COL19A1: variants seen among roughly 807,000 people sequenced by gnomAD.
The protein encoded by COL19A1 is collagen type XIX alpha 1 chain.
A neutral mutation model predicts 190.2 loss-of-function variants in COL19A1; 159 were observed. That is an observed-to-expected ratio of 0.84 (90% confidence interval 0.73 to 0.95). The LOEUF is 0.95. COL19A1 is among the 40% of genes least tolerant of loss of function. The pLI, the probability that COL19A1 is intolerant of heterozygous loss-of-function variation, is 0.00. For synonymous variants in COL19A1, 509 were observed against 458.9 expected, an observed-to-expected ratio of 1.11 and a Z score of -1.39; for missense variants, 1,418 against 1,431.9, an observed-to-expected ratio of 0.99 and a Z score of 0.16.
chr6:69,965,899 G>A (rs1183795181), intron 11 of COL19A1, among the ~76,000 whole-genome samples: 1 of 152,158 alleles, frequency 6.6e-6, no homozygotes, highest in African/African-American at 2.4e-5. Flanking sequence ...CTCCACAGCT[G>A]AGAGTTGTAT....
At chr6:69,926,574 A>G (rs1772412045) in intron 4 of COL19A1, among the ~76,000 whole-genome samples, 2 of 152,130 alleles carry the variant, frequency 1.3e-5, no homozygotes, top group African/African-American at 4.8e-5. Flanking sequence ...GAACTTGAAG[A>G]TAGTTCAATT....
At chr6:70,125,193 G>A (rs1785121306) in intron 17 of COL19A1, among the ~76,000 whole-genome samples, 1 of 152,094 alleles carries the variant, frequency 6.6e-6, no homozygotes, top group African/African-American at 2.4e-5. Context: ...ATTAAATAAT[G>A]GACCATGTAT....
At chr6:70,010,158 C>G (rs1388055798) in intron 11 of COL19A1, among the ~76,000 whole-genome samples, 1 of 152,052 alleles carries the variant, frequency 6.6e-6, no homozygotes, top group Non-Finnish European at 1.5e-5. Context: ...GAAATATTTT[C>G]AAATTACATA....
chr6:70,090,525 A>T (rs575202652), intron 15 of COL19A1, among the ~76,000 whole-genome samples: 2 of 151,992 alleles, frequency 1.3e-5, no homozygotes, highest in African/African-American at 4.8e-5. Flanking sequence ...GACAGTGGGG[A>T]TCTGGAACAA....
At chr6:70,164,484 A>G (rs1180498673) in intron 36 of COL19A1, among the ~76,000 whole-genome samples, 2 of 152,172 alleles carry the variant, frequency 1.3e-5, no homozygotes, top group African/African-American at 4.8e-5. Flanking sequence ...TTTTGAAGGA[A>G]ACAATGACTT....
intron 11 of COL19A1, among the ~76,000 whole-genome samples, chr6:69,977,938 T>C (rs908002060): frequency 3.3e-5 from 5 of 152,094 alleles, no homozygotes; most frequent in African/African-American, 1.2e-4. Context: ...GCCATGGTCA[T>C]ATTGAAAAAA....
chr6:69,901,126 G>T (rs978079742), intron 4 of COL19A1, among the ~76,000 whole-genome samples: 1 of 133,786 alleles, frequency 7.5e-6, no homozygotes, highest in East Asian at 2.1e-4. Flanking sequence ...TGAATATACC[G>T]CAATAAAAAC....
intron 11 of COL19A1, among the ~76,000 whole-genome samples, chr6:69,981,270 A>G (rs1041896669): frequency 3.3e-5 from 5 of 152,210 alleles, no homozygotes; most frequent in Non-Finnish European, 7.4e-5. Flanking sequence ...CATTAACAAG[A>G]AAACACCTGA....
chr6:70,008,535 G>T (rs143160778), intron 11 of COL19A1, among the ~76,000 whole-genome samples: 4 of 152,022 alleles, frequency 2.6e-5, no homozygotes, highest in African/African-American at 4.8e-5. Flanking sequence ...TGTATACATT[G>T]TAATAGTTAA....
chr6:70,185,030 T>C, intron 46 of COL19A1, 115 bp downstream of exon 46: 1 of 930,082 alleles, frequency 1.1e-6, no homozygotes, highest in East Asian at 2.6e-5. Flanking sequence ...CTATAAAGGC[T>C]AGGGTGTAGG....
chr6:70,022,192 A>G (rs1489973604), intron 11 of COL19A1, among the ~76,000 whole-genome samples: 1 of 152,216 alleles, frequency 6.6e-6, no homozygotes, highest in African/African-American at 2.4e-5. Flanking sequence ...AACAGAAAAT[A>G]TAAAGAAGAG....
chr6:69,951,141 C>T (rs1774102940), intron 9 of COL19A1, among the ~76,000 whole-genome samples: 1 of 151,830 alleles, frequency 6.6e-6, no homozygotes, highest in Non-Finnish European at 1.5e-5. Flanking sequence ...TCATAGCCAT[C>T]ATTACTTTAC....
At chr6:70,002,543 TTGGTCTATTCA>T (rs1260970023) in intron 11 of COL19A1, among the ~76,000 whole-genome samples, 3 of 151,880 alleles carry the variant, frequency 2.0e-5, no homozygotes, top group East Asian at 3.9e-4. Context: ...GAACTTGTTA[TTGGTCTATTCA>T]TGGTCTATTC....
At chr6:70,020,373 G>C (rs1778351594) in intron 11 of COL19A1, among the ~76,000 whole-genome samples, 1 of 151,250 alleles carries the variant, frequency 6.6e-6, no homozygotes, top group South Asian at 2.1e-4. Context: ...TTCTTTTTTT[G>C]GTTTCATGCT....
Position 70,190,316 on chromosome 6 carries a change from C to T in COL19A1, c.3029C>T (p.Ala1010Val), listed in dbSNP as rs1199727551. The T allele has an allele frequency of 1.9e-6, 3 of 1,598,776 alleles. No individual in the cohort carries two copies. The highest frequency in any genetic ancestry group is 2.6e-6 in the Non-Finnish European group (3 of 1,168,208). Residue 1010 changes from alanine to valine, a missense_variant and splice_region_variant, in exon 48 of 51, where the codon GCT (alanine) becomes GTT (valine). Transcript: ENST00000620364. ...CAACCTTTTTTTTTCCTTCTTCAGGCTGATGCAGTTTCATTTGAAGAAATA... is the reference window on the plus strand; with the variant it reads ...CAACCTTTTTTTTTCCTTCTTCAGGTTGATGCAGTTTCATTTGAAGAAATA... Reference protein sequence around the residue: ...PGSPGIPGIPADAVSFEEIKK... With the variant: ...PGSPGIPGIPVDAVSFEEIKK...
intron 13 of COL19A1, 29 bp downstream of exon 13, chr6:70,034,327 C>G: frequency 1.3e-6 from 2 of 1,586,220 alleles, no homozygotes; most frequent in South Asian, 1.1e-5. Context: ...CAAGCCCAAC[C>G]TTTCTTTAAG....
intron 31 of COL19A1, 94 bp downstream of exon 31, chr6:70,151,532 G>C: frequency 8.3e-7 from 1 of 1,205,776 alleles, no homozygotes; most frequent in Non-Finnish European, 1.2e-6. Flanking sequence ...TGCTTAGCTG[G>C]AACTAAAATT....
chr6:69,901,634 G>A (rs1043600520), intron 4 of COL19A1, among the ~76,000 whole-genome samples: 1 of 152,178 alleles, frequency 6.6e-6, no homozygotes, highest in Non-Finnish European at 1.5e-5. Flanking sequence ...GTATGCATAA[G>A]CCATAAAGAA....
chr6:69,869,997 T>C (rs2149929708), intron 1 of COL19A1, among the ~76,000 whole-genome samples: 1 of 152,318 alleles, frequency 6.6e-6, no homozygotes, highest in South Asian at 2.1e-4. Flanking sequence ...TAGTACTATT[T>C]TTTTGTCCCA....
Sources: gnomAD v4.1 joint callset for allele counts (sites outside exome capture counted in the v4.1 genomes callset) on GRCh38, gnomAD v4.1.1 for gene constraint, MANE v1.5 for transcripts, NCBI Gene and HGNC (gene_info 2026-07-23, HGNC 2026-07-21) for gene names.